The following ADD2 variants were observed in gnomAD, a reference collection of about 807,000 sequenced individuals.
ADD2 encodes the protein beta-adducin.
Under a neutral mutation model 83.0 loss-of-function variants are expected in ADD2, and 23 were observed. The observed-to-expected ratio is 0.28, with a 90% CI of 0.20 to 0.39. The LOEUF (loss-of-function observed/expected upper bound fraction) is 0.39, where lower values mean the gene tolerates loss of function less well. Among genes scored for constraint, ADD2 ranks in the 10% least tolerant of loss-of-function variants. The probability of loss-of-function intolerance (pLI) is 1.00; values close to 1 mark genes in which losing one functional copy is unlikely to be tolerated. For missense variants in ADD2, 758 were observed against 944.9 expected (o/e 0.80, Z 2.59); for synonymous variants, 375 against 375.4 (o/e 1.00, Z 0.01).
chr2:70,664,740 TGTGTGTGTGG>T (rs376574394), intron 15 of ADD2, among the ~76,000 whole-genome samples: 13,303 of 136,142 alleles, frequency 0.098, 600 homozygotes, highest in Middle Eastern at 0.12. Flanking sequence ...AGTGTGCAAG[TGTGTGTGTGG>T]GTGTGTGAGG....
chr2:70,725,762 T>C (rs1553378108), intron 1 of ADD2, among the ~76,000 whole-genome samples: 1 of 152,000 alleles, frequency 6.6e-6, no homozygotes, highest in East Asian at 1.9e-4. Flanking sequence ...AAAACTGTCA[T>C]GGTGCTTCTC....
chr2:70,751,616 C>A (rs1553382943), intron 1 of ADD2, among the ~76,000 whole-genome samples: 1 of 152,182 alleles, frequency 6.6e-6, no homozygotes, highest in African/African-American at 2.4e-5. Flanking sequence ...AAAAAGCTTA[C>A]TAAAGATTTC....
intron 1 of ADD2, among the ~76,000 whole-genome samples, chr2:70,759,828 G>A (rs1019107773): frequency 3.3e-5 from 5 of 152,190 alleles, no homozygotes; most frequent in Non-Finnish European, 7.3e-5. Context: ...AACACAGGCA[G>A]ACTAAGATGG....
At chr2:70,692,978 C>CG (rs1558537320) in intron 6 of ADD2, among the ~76,000 whole-genome samples, 40 of 152,226 alleles carry the variant, frequency 2.6e-4, no homozygotes, top group African/African-American at 9.6e-4. Flanking sequence ...GGGAGTCTTT[C>CG]ATCCCATCAG....
At chr2:70,708,775 A>G (rs1553374991) in intron 2 of ADD2, among the ~76,000 whole-genome samples, 1 of 152,226 alleles carries the variant, frequency 6.6e-6, no homozygotes, top group African/African-American at 2.4e-5. Flanking sequence ...CTTGATGTGT[A>G]ATAGACTGTA....
chr2:70,703,160 G>T (rs1341450487), intron 4 of ADD2, among the ~76,000 whole-genome samples: 1 of 144,606 alleles, frequency 6.9e-6, no homozygotes, highest in Non-Finnish European at 1.5e-5. Flanking sequence ...AAGAAGAAAA[G>T]AAAAGAAAGA....
chr2:70,678,695 C>G lies in ADD2; in HGVS notation c.1383+9G>C, dbSNP rs782682711. On this transcript the variant is annotated intron_variant, in intron 11 of 15. Coordinates refer to ENST00000264436, the MANE Select transcript of ADD2 (RefSeq NM_001617.4). ...TCTCTGCCCGGGTCTGTCCTGGGCTCCCCCTTACCGTGGTCTTGGGTCGGG... is the reference window on the plus strand; with the variant it reads ...TCTCTGCCCGGGTCTGTCCTGGGCTGCCCCTTACCGTGGTCTTGGGTCGGG... The G allele has an allele frequency of 6.5e-7, 1 of 1,545,430 alleles. No individual in the cohort carries two copies. Among genetic ancestry groups the G allele is most frequent in the Non-Finnish European group, 8.7e-7 (1 of 1,146,252 alleles).
At chr2:70,678,103 T>C (rs148922479) in intron 11 of ADD2, among the ~76,000 whole-genome samples, 1 of 152,330 alleles carries the variant, frequency 6.6e-6, no homozygotes, top group East Asian at 1.9e-4. Context: ...AGGTCGGCTA[T>C]AAAGAACATC....
intron 4 of ADD2, among the ~76,000 whole-genome samples, chr2:70,699,791 A>G (rs992391306): frequency 1.4e-5 from 2 of 141,698 alleles, no homozygotes; most frequent in African/African-American, 6.3e-5. Context: ...AAAACAAAAC[A>G]AAAAAAACCC....
intron 13 of ADD2, chr2:70,675,684 C>G (rs1553368121): frequency 1.0e-6 from 1 of 985,326 alleles, no homozygotes. Context: ...GCTGCCAGTC[C>G]TCCCTGCCCT....
intron 1 of ADD2, among the ~76,000 whole-genome samples, chr2:70,746,899 C>A (rs1242355060): frequency 6.6e-6 from 1 of 150,954 alleles, no homozygotes; most frequent in African/African-American, 2.5e-5. Flanking sequence ...TCATTGTTAT[C>A]CAAATGTCTA....
At chr2:70,764,473 C>T (rs1187652810) in intron 1 of ADD2, among the ~76,000 whole-genome samples, 2 of 151,766 alleles carry the variant, frequency 1.3e-5, no homozygotes, top group Non-Finnish European at 2.9e-5. Flanking sequence ...ATTCCAACTC[C>T]CCTTCCCTTC....
chr2:70,719,580 G>A (rs896509465), intron 1 of ADD2, among the ~76,000 whole-genome samples: 3 of 152,182 alleles, frequency 2.0e-5, no homozygotes, highest in Non-Finnish European at 4.4e-5. Context: ...AGACAGTGCT[G>A]AGCTAGCAGG....
At chr2:70,739,169 A>G (rs1181077081) in intron 1 of ADD2, among the ~76,000 whole-genome samples, 1 of 152,240 alleles carries the variant, frequency 6.6e-6, no homozygotes, top group Non-Finnish European at 1.5e-5. Flanking sequence ...TCCAGCATCT[A>G]TAAGGAACTT....
chr2:70,676,706 G>A lies in ADD2; in HGVS notation c.1593+90C>T. 6.3e-7 allele frequency: 1 copy of A among 1,578,998 alleles called. No individual in the cohort carries two copies. Among genetic ancestry groups the A allele is most frequent in the South Asian group, 1.1e-5 (1 of 87,482 alleles). ...GATCACAGGGGAAGGTGGGTATGAG[G>A]ACTCAGGGGTCCTGCAACCCAGCCC... On this transcript the variant is annotated intron_variant, in intron 13 of 15. Coordinates refer to ENST00000264436, the MANE Select transcript of ADD2 (RefSeq NM_001617.4). This position sits in a 1 kb window ranked among gnomAD's most constrained non-coding sequence, Gnocchi z 4.8.
At chr2:70,705,590 C>T (rs1345938111) in intron 3 of ADD2, among the ~76,000 whole-genome samples, 10 of 152,318 alleles carry the variant, frequency 6.6e-5, no homozygotes, top group African/African-American at 1.4e-4. Flanking sequence ...GCCCACCCTT[C>T]GGCCTTCTCA....
chr2:70,737,132 G>A (rs1476775234), intron 1 of ADD2, among the ~76,000 whole-genome samples: 1 of 152,144 alleles, frequency 6.6e-6, no homozygotes, highest in Non-Finnish European at 1.5e-5. Flanking sequence ...TGGTGGGACT[G>A]TAAACTAGTT....
In ADD2 at chr2:70,755,246, C is replaced by T. The variant is rs190446381; in HGVS notation, c.-154+12640G>A. ...TCTCAAATCTCCCTGACTCCCTCTT[C>T]GCTCCACTCTCGGCCAATGATGTGG... On this transcript the variant is annotated intron_variant, in intron 1 of 15. Transcript: ENST00000264436. 2.3e-4 allele frequency among the ~76,000 whole-genome samples: 35 copies of T among 152,322 alleles called. 1 individual carries two copies. The East Asian group carries it at 4.8e-3, about 21-fold the overall frequency.
At chr2:70,694,763 C>T (rs568290409) in intron 6 of ADD2, among the ~76,000 whole-genome samples, 75 of 152,246 alleles carry the variant, frequency 4.9e-4, no homozygotes, top group Middle Eastern at 3.4e-3. Flanking sequence ...CAGCTCCTGG[C>T]GGGGTAGGGT....
Sources: gnomAD v4.1 joint callset for allele counts (sites outside exome capture counted in the v4.1 genomes callset) on GRCh38, gnomAD v4.1.1 for gene constraint, Gnocchi (gnomAD v3.1) non-coding constraint, MANE v1.5 for transcripts, NCBI Gene and HGNC (gene_info 2026-07-23, HGNC 2026-07-21) for gene names.